HIPK2: variants seen among roughly 807,000 people sequenced by gnomAD.
The protein encoded by HIPK2 is homeodomain-interacting protein kinase 2.
In HIPK2, 27 loss-of-function variants were observed where a neutral mutation model predicts 113.7. The observed-to-expected ratio is 0.24, with a 90% CI of 0.17 to 0.33. The LOEUF (loss-of-function observed/expected upper bound fraction) is 0.33, where lower values mean the gene tolerates loss of function less well. Ranked by LOEUF, HIPK2 falls within the 10% of genes least tolerant of loss-of-function variation. The probability of loss-of-function intolerance (pLI) is 1.00; values close to 1 mark genes in which losing one functional copy is unlikely to be tolerated. For synonymous variants in HIPK2, 631 were observed against 642.2 expected (o/e 0.98, Z 0.26); for missense variants, 1,257 against 1,588.0 (o/e 0.79, Z 3.54).
At chr7:139,576,830 C>T (rs576072060) in intron 13 of HIPK2, among the ~76,000 whole-genome samples, 1 of 152,354 alleles carries the variant, frequency 6.6e-6, no homozygotes, top group Non-Finnish European at 1.5e-5. Flanking sequence ...GCAAGAGCCC[C>T]AGAGGGCGGG....
chr7:139,597,594 G>A (rs1799268788), intron 11 of HIPK2, among the ~76,000 whole-genome samples: 1 of 152,168 alleles, frequency 6.6e-6, no homozygotes, highest in Non-Finnish European at 1.5e-5. Flanking sequence ...GACCATCAAA[G>A]TATTTGTGTG....
Position 139,701,332 on chromosome 7 carries a change from T to C in HIPK2, c.1103+14600A>G, listed in dbSNP as rs1356353066. Among the ~76,000 whole-genome samples, 37 of 152,240 alleles carry C rather than the reference T, an allele frequency of 2.4e-4. No individual in the cohort carries two copies. The East Asian group carries it at 7.0e-3, about 29-fold the overall frequency. On this transcript the variant is annotated intron_variant, in intron 2 of 14. Transcript: ENST00000406875. ...AAAGCCAGGGACAGAGAGGCCACGG[T>C]GAGAAATAGTAATGTATTTATAGTC...
chr7:139,699,333 C>A (rs981145642), intron 2 of HIPK2, among the ~76,000 whole-genome samples: 2 of 152,086 alleles, frequency 1.3e-5, no homozygotes, highest in East Asian at 3.9e-4. Flanking sequence ...GCAATCCTCA[C>A]GCTGTGCAGG....
chr7:139,660,010 G>GTGACT (rs1413814033), intron 2 of HIPK2, among the ~76,000 whole-genome samples: 3 of 152,176 alleles, frequency 2.0e-5, no homozygotes, highest in African/African-American at 7.2e-5. Flanking sequence ...ATTGTTCCAT[G>GTGACT]GTTCAAAAAT....
chr7:139,717,369 A>G (rs892027721), intron 1 of HIPK2, among the ~76,000 whole-genome samples: 1 of 152,136 alleles, frequency 6.6e-6, no homozygotes, highest in African/African-American at 2.4e-5. Context: ...TTTCTACTGA[A>G]ACTCAGGAGG....
intron 2 of HIPK2, among the ~76,000 whole-genome samples, chr7:139,665,762 C>G (rs1802028282): frequency 1.3e-5 from 2 of 152,204 alleles, no homozygotes; most frequent in South Asian, 4.1e-4. Flanking sequence ...CATTTGGGCA[C>G]CCAGTGCCAT....
In HIPK2 at chr7:139,727,935, A is replaced by ATTT. The variant is rs10524758; in HGVS notation, c.20-10923_20-10921dup. 2.8e-3 allele frequency among the ~76,000 whole-genome samples: 331 copies of ATTT among 116,660 alleles called. 11 individuals carry two copies. The highest frequency in any genetic ancestry group is 9.6e-3 in the African/African-American group (294 of 30,476). 76.5% of individuals were successfully genotyped at this position (116,660 alleles called of 152,430 possible). On this transcript the variant is annotated intron_variant, in intron 1 of 14. Transcript: ENST00000406875. ...TTTGAAACAAGAGTGGCATTGGCTAATTTTTTTTTTTTTTTTTTTTTTTTG... is the reference window on the plus strand; with the variant it reads ...TTTGAAACAAGAGTGGCATTGGCTAATTTTTTTTTTTTTTTTTTTTTTTTTTTG...
intron 2 of HIPK2, among the ~76,000 whole-genome samples, chr7:139,635,919 C>T (rs1050682413): frequency 1.4e-4 from 21 of 152,348 alleles, no homozygotes; most frequent in African/African-American, 1.4e-4. Flanking sequence ...CTAATCCCTT[C>T]GTCTCCCAGC....
At chr7:139,731,900 TA>T (rs1795794583) in intron 1 of HIPK2, among the ~76,000 whole-genome samples, 1 of 152,076 alleles carries the variant, frequency 6.6e-6, no homozygotes, top group Non-Finnish European at 1.5e-5. Context: ...GACACCTGAC[TA>T]AACTCAATTA....
At chr7:139,704,484 A>G in intron 2 of HIPK2, among the ~76,000 whole-genome samples, 1 of 146,946 alleles carries the variant, frequency 6.8e-6, no homozygotes, top group Non-Finnish European at 1.5e-5. Flanking sequence ...CACATGCTAC[A>G]TGTGCCCACA....
chr7:139,600,133 G>A (rs903172433), intron 11 of HIPK2, among the ~76,000 whole-genome samples: 1 of 151,702 alleles, frequency 6.6e-6, no homozygotes, highest in African/African-American at 2.4e-5. Context: ...ATTTTCACTC[G>A]CCCACGCTGT....
Position 139,716,927 on chromosome 7 carries a change from A to G in HIPK2, c.108T>C (p.Ser36=). 1 of 1,613,812 alleles carries G rather than the reference A, an allele frequency of 6.2e-7. No homozygotes were observed. The highest frequency in any genetic ancestry group is 8.5e-7 in the Non-Finnish European group (1 of 1,179,852). The stretch of plus-strand genomic sequence containing the variant: ...CGTACCCAGTCATGTCCCAGTTGGA[A>G]CTCGGCTCTATTTTCAGTTTCTTCA... The part of the protein sequence containing the change: ...CSVKKLKIEP[S]SNWDMTGYGS... Residue 36 remains serine (S), a synonymous_variant, in exon 2 of 15, where the codon AGT becomes AGC. Coordinates refer to ENST00000406875, the MANE Select transcript of HIPK2 (RefSeq NM_022740.5). The surrounding 1 kb of genome is among the most constrained non-coding windows in gnomAD (Gnocchi z 9.3).
At chr7:139,577,911 T>A (rs985839896) in intron 13 of HIPK2, among the ~76,000 whole-genome samples, 1 of 151,888 alleles carries the variant, frequency 6.6e-6, no homozygotes, top group African/African-American at 2.4e-5. Context: ...AGCGCAGTGG[T>A]GTGATCTTGG....
intron 2 of HIPK2, among the ~76,000 whole-genome samples, chr7:139,640,479 T>C (rs529506861): frequency 6.6e-6 from 1 of 152,324 alleles, no homozygotes; most frequent in South Asian, 2.1e-4. Context: ...GTACTGGTTG[T>C]GTACCTACTT....
Position 139,777,818 on chromosome 7 carries a change from CGCCGCCGCCGCT to C in HIPK2, c.-207_-196del, listed in dbSNP as rs1796815202. 1 of 254,266 alleles carries C rather than the reference CGCCGCCGCCGCT, an allele frequency of 3.9e-6. No individual in the cohort carries two copies. Among genetic ancestry groups the C allele is most frequent in the African/African-American group, 2.4e-5 (1 of 41,630 alleles). The allele number at this position is 254,266 out of a possible 1,614,324, so 15.8% of individuals were successfully genotyped here. On this transcript the variant is annotated 5_prime_UTR_variant, in exon 1 of 15. Transcript: ENST00000406875. ...AGGGGGCCGGGCGCGCCGCCGCCGC[CGCCGCCGCCGCT>C]GCCGCCCGGGCCCGGCGCGGGGGGC...
intron 6 of HIPK2, among the ~76,000 whole-genome samples, chr7:139,625,090 C>T (rs890188329): frequency 1.3e-5 from 2 of 152,230 alleles, no homozygotes; most frequent in Non-Finnish European, 2.9e-5. Flanking sequence ...AGCACATACG[C>T]TGACATCCAC....
chr7:139,683,901 G>T lies in HIPK2; in HGVS notation c.1103+32031C>A, dbSNP rs1444143398. Among the ~76,000 whole-genome samples the T allele has an allele frequency of 2.0e-5, 3 of 152,048 alleles. No individual in the cohort carries two copies. The highest frequency in any genetic ancestry group is 7.2e-5 in the African/African-American group (3 of 41,500). ...GAATTTGGGGAGGGGCATATATATA[G>T]AGAGACATACCTCATTATATTGCCC... On this transcript the variant is annotated intron_variant, in intron 2 of 14. Coordinates refer to ENST00000406875, the MANE Select transcript of HIPK2 (RefSeq NM_022740.5). This position sits in a 1 kb window ranked among gnomAD's most constrained non-coding sequence, Gnocchi z 4.2.
chr7:139,732,380 G>A (rs1447721066), intron 1 of HIPK2, among the ~76,000 whole-genome samples: 4 of 152,158 alleles, frequency 2.6e-5, no homozygotes, highest in African/African-American at 7.2e-5. Context: ...TCCATGGCAC[G>A]GAGCCACTTA....
chr7:139,725,483 A>G (rs1301687339), intron 1 of HIPK2, among the ~76,000 whole-genome samples: 2 of 152,252 alleles, frequency 1.3e-5, no homozygotes, highest in African/African-American at 4.8e-5. Context: ...GTGGCAATAC[A>G]ATAACAAATG....
Sources: gnomAD v4.1 joint callset for allele counts (sites outside exome capture counted in the v4.1 genomes callset) on GRCh38, gnomAD v4.1.1 for gene constraint, Gnocchi (gnomAD v3.1) non-coding constraint, MANE v1.5 for transcripts, NCBI Gene and HGNC (gene_info 2026-07-23, HGNC 2026-07-21) for gene names.